TUSC3: variants seen among roughly 807,000 people sequenced by gnomAD.
TUSC3 encodes the protein dolichyl-diphosphooligosaccharide--protein glycosyltransferase subunit TUSC3.
In TUSC3, 45 loss-of-function variants were observed where a neutral mutation model predicts 44.8. The ratio of observed to expected loss-of-function variants is 1.00; its 90% confidence interval spans 0.79 to 1.29. The LOEUF (loss-of-function observed/expected upper bound fraction) is 1.29, where lower values mean the gene tolerates loss of function less well. Among genes scored for constraint, TUSC3 ranks in the 50% most tolerant of loss-of-function variants. The pLI, the probability that TUSC3 is intolerant of heterozygous loss-of-function variation, is 0.00. For synonymous variants in TUSC3, 212 were observed against 152.9 expected (o/e 1.39, Z -2.85); for missense variants, 519 against 437.9 (o/e 1.19, Z -1.65).
chr8:15,671,433 T>A (rs191517352), intron 5 of TUSC3, among the ~76,000 whole-genome samples: 1 of 152,118 alleles, frequency 6.6e-6, no homozygotes. Flanking sequence ...ATGCATCAGT[T>A]ATGAGAATTT....
chr8:15,841,123 A>C, the TUSC3 span, among the ~76,000 whole-genome samples: 1 of 152,064 alleles, frequency 6.6e-6, no homozygotes, highest in East Asian at 1.9e-4. Flanking sequence ...CCAGTATCCA[A>C]ATTTATTGTT....
At chr8:15,845,232 T>C in the TUSC3 span, among the ~76,000 whole-genome samples, 1 of 152,096 alleles carries the variant, frequency 6.6e-6, no homozygotes, top group East Asian at 1.9e-4. Flanking sequence ...GGCTAAGTAT[T>C]GCCTTATGTT....
rs997494500 is a variant in TUSC3 at position 15,740,952 on chromosome 8, T to G, written c.863-2586T>G. ...TGTACGTAATTTTCTGTTACCACAT[T>G]GTTTGAATTTAAGCAATTCAAATGA... On this transcript the variant is annotated intron_variant, in intron 7 of 10. Transcript: ENST00000503731. 5.3e-5 allele frequency among the ~76,000 whole-genome samples: 8 copies of G among 152,302 alleles called. No homozygotes were observed. In the East Asian group the frequency reaches 1.4e-3, roughly 26 times the overall value.
At chr8:15,642,422 G>C (rs1806414608) in intron 2 of TUSC3, among the ~76,000 whole-genome samples, 1 of 152,120 alleles carries the variant, frequency 6.6e-6, no homozygotes, top group Non-Finnish European at 1.5e-5. Context: ...ATACGAAAGG[G>C]TTCCTGGCAT....
intron 9 of TUSC3, among the ~76,000 whole-genome samples, chr8:15,750,016 G>T (rs1456732284): frequency 1.4e-5 from 2 of 145,400 alleles, no homozygotes; most frequent in Non-Finnish European, 3.0e-5. Context: ...GTCTTGCTCT[G>T]TTGCCCAGGC....
chr8:15,850,111 C>CT, the TUSC3 span, among the ~76,000 whole-genome samples: 87,879 of 145,280 alleles, frequency 0.6, 26,717 homozygotes, highest in Non-Finnish European at 0.67. Flanking sequence ...CTTGTTTATC[C>CT]TTTTTTTTTT....
chr8:15,649,067 AT>A (rs1473811828), intron 2 of TUSC3, among the ~76,000 whole-genome samples: 1 of 152,178 alleles, frequency 6.6e-6, no homozygotes, highest in Non-Finnish European at 1.5e-5. Context: ...TTCTTGATAA[AT>A]ACAATATCTT....
chr8:15,717,265 G>C (rs111767339), intron 6 of TUSC3, among the ~76,000 whole-genome samples: 3 of 152,048 alleles, frequency 2.0e-5, no homozygotes, highest in Admixed American at 6.6e-5. Context: ...TAAAATCAAG[G>C]TGAATTTTGG....
At chr8:15,705,586 A>G (rs531286511) in intron 6 of TUSC3, among the ~76,000 whole-genome samples, 2 of 152,122 alleles carry the variant, frequency 1.3e-5, no homozygotes, top group Non-Finnish European at 2.9e-5. Context: ...CAAAGCGCTG[A>G]TAGCTTGCTC....
intron 7 of TUSC3, among the ~76,000 whole-genome samples, chr8:15,732,547 A>G (rs1810765679): frequency 7.0e-6 from 1 of 143,544 alleles, no homozygotes. Context: ...AGCTTTTGAC[A>G]AAGGTGTAGA....
upstream of TUSC3, among the ~76,000 whole-genome samples, chr8:15,539,718 G>T (rs1340652640): frequency 2.6e-5 from 4 of 152,220 alleles, no homozygotes; most frequent in Admixed American, 6.5e-5. Flanking sequence ...TATATTAAAA[G>T]TAGCTAGTAC....
intron 1 of TUSC3, among the ~76,000 whole-genome samples, chr8:15,454,489 A>G (rs1800232201): frequency 6.6e-6 from 1 of 152,192 alleles, no homozygotes; most frequent in African/African-American, 2.4e-5. Context: ...AGCTAAAGGA[A>G]TCTATTTTGC....
At chr8:15,455,110 G>A (rs1255330399) in intron 1 of TUSC3, among the ~76,000 whole-genome samples, 1 of 152,126 alleles carries the variant, frequency 6.6e-6, no homozygotes, top group Non-Finnish European at 1.5e-5. Flanking sequence ...AGTAGCAAAG[G>A]CACTATTAAA....
At chr8:15,650,894 A>G in intron 3 of TUSC3, 80 bp downstream of exon 3, 2 of 1,442,928 alleles carry the variant, frequency 1.4e-6, no homozygotes, top group South Asian at 2.3e-5. Flanking sequence ...TAAAAATACA[A>G]TTCATTCATC....
intron 5 of TUSC3, 45 bp from the exon 6 acceptor site, chr8:15,673,702 G>A (rs1808056969): frequency 7.2e-7 from 1 of 1,396,242 alleles, no homozygotes; most frequent in Non-Finnish European, 1.0e-6. Context: ...CATTATTCTG[G>A]TATTCTCTGG....
chr8:15,630,568 G>A (rs1051821585), intron 2 of TUSC3, among the ~76,000 whole-genome samples: 2 of 152,078 alleles, frequency 1.3e-5, no homozygotes, highest in Admixed American at 6.5e-5. Context: ...AAGTCACACA[G>A]CTAGTAACTG....
chr8:15,724,025 C>T (rs1264191690), intron 6 of TUSC3, among the ~76,000 whole-genome samples: 2 of 152,008 alleles, frequency 1.3e-5, no homozygotes, highest in Admixed American at 6.6e-5. Context: ...CTTTAGCAGG[C>T]AATTAACTGT....
intron 1 of TUSC3, among the ~76,000 whole-genome samples, chr8:15,454,903 C>G (rs1351782748): frequency 7.6e-6 from 1 of 131,750 alleles, no homozygotes; most frequent in Non-Finnish European, 1.6e-5. Context: ...TAAAGTATAT[C>G]AGTTTAAAAT....
At chr8:15,737,054 C>T (rs1232875366) in intron 7 of TUSC3, among the ~76,000 whole-genome samples, 1 of 152,034 alleles carries the variant, frequency 6.6e-6, no homozygotes, top group Non-Finnish European at 1.5e-5. Flanking sequence ...ATTGCATTTT[C>T]TGTGAGCAAA....
Sources: allele counts gnomAD v4.1 joint callset (sites outside exome capture counted in the v4.1 genomes callset), GRCh38; gene constraint gnomAD v4.1.1; transcripts MANE v1.5; gene names NCBI Gene and HGNC (gene_info 2026-07-23, HGNC 2026-07-21).